SLC24A4: variants seen among roughly 807,000 people sequenced by gnomAD.
SLC24A4 encodes solute carrier family 24 member 4.
In SLC24A4, 53 loss-of-function variants were observed where a neutral mutation model predicts 79.0. That is an observed-to-expected ratio of 0.67 (90% CI 0.54 to 0.84). SLC24A4 has a LOEUF of 0.84. Ranked by LOEUF, SLC24A4 falls within the 40% of genes least tolerant of loss-of-function variation. The pLI is 0.00. For missense variants in SLC24A4, 731 were observed against 822.0 expected (o/e 0.89, Z 1.35); for synonymous variants, 323 against 323.8 (o/e 1.00, Z 0.03).
At chr14:92,378,131 A>T (rs369365475) in intron 2 of SLC24A4, among the ~76,000 whole-genome samples, 83 of 151,650 alleles carry the variant, frequency 5.5e-4, no homozygotes, top group African/African-American at 2.0e-3. Context: ...GCAATAGTTC[A>T]CTCTTTTCTT....
intron 11 of SLC24A4, among the ~76,000 whole-genome samples, chr14:92,455,197 C>T (rs1029299595): frequency 5.3e-5 from 8 of 152,172 alleles, no homozygotes; most frequent in African/African-American, 1.9e-4. Flanking sequence ...GCTTCAATCT[C>T]ACATCAGCCG....
At chr14:92,354,703 G>A (rs1887077898) in intron 2 of SLC24A4, among the ~76,000 whole-genome samples, 1 of 152,120 alleles carries the variant, frequency 6.6e-6, no homozygotes, top group East Asian at 1.9e-4. Flanking sequence ...CTGAGATTCT[G>A]CACTTCTAAC....
chr14:92,385,022 A>C (rs1288274962), intron 2 of SLC24A4, among the ~76,000 whole-genome samples: 4 of 152,216 alleles, frequency 2.6e-5, no homozygotes, highest in Admixed American at 1.3e-4. Context: ...GTTCTGAGGA[A>C]TAAATTGGGC....
chr14:92,436,346 A>G (rs1322462467), intron 3 of SLC24A4, among the ~76,000 whole-genome samples: 1 of 152,178 alleles, frequency 6.6e-6, no homozygotes, highest in African/African-American at 2.4e-5. Flanking sequence ...CACCCATTCT[A>G]TGGCTCGTTT....
intron 2 of SLC24A4, among the ~76,000 whole-genome samples, chr14:92,411,806 G>A (rs61977265): frequency 0.066 from 9,987 of 152,232 alleles, 438 homozygotes; most frequent in Non-Finnish European, 0.093. Flanking sequence ...AAATGCTTTG[G>A]ACAAGACTGT....
At chr14:92,459,026 G>A (rs1429150829) in intron 12 of SLC24A4, among the ~76,000 whole-genome samples, 3 of 152,206 alleles carry the variant, frequency 2.0e-5, no homozygotes, top group East Asian at 1.9e-4. Context: ...TTTTGCAGAT[G>A]TGGGGCCTGA....
chr14:92,454,862 A>G (rs1024800222), intron 11 of SLC24A4, among the ~76,000 whole-genome samples: 2 of 152,096 alleles, frequency 1.3e-5, no homozygotes, highest in African/African-American at 4.8e-5. Context: ...ATTTCGGTCC[A>G]ATTCGGTAAA....
At chr14:92,422,165 G>T (rs956038036) in intron 2 of SLC24A4, among the ~76,000 whole-genome samples, 2 of 152,228 alleles carry the variant, frequency 1.3e-5, no homozygotes, top group Non-Finnish European at 2.9e-5. Flanking sequence ...TGTATTTTCA[G>T]AATCTAGAAC....
intron 2 of SLC24A4, among the ~76,000 whole-genome samples, chr14:92,334,778 C>T (rs749552666): frequency 6.6e-6 from 1 of 152,090 alleles, no homozygotes; most frequent in Non-Finnish European, 1.5e-5. Flanking sequence ...ATGAGGATAG[C>T]AGCTCTTCTT....
At chr14:92,487,934 C>T (rs977665586) in intron 14 of SLC24A4, among the ~76,000 whole-genome samples, 4 of 152,142 alleles carry the variant, frequency 2.6e-5, no homozygotes, top group Non-Finnish European at 5.9e-5. Context: ...GCCTTCACAC[C>T]GCATTCTTCC....
intron 2 of SLC24A4, among the ~76,000 whole-genome samples, chr14:92,331,484 T>C (rs917418717): frequency 6.6e-6 from 1 of 152,152 alleles, no homozygotes; most frequent in South Asian, 2.1e-4. Flanking sequence ...GGTTTCACCA[T>C]GTTACCCAGG....
intron 2 of SLC24A4, among the ~76,000 whole-genome samples, chr14:92,360,044 A>G (rs1269941675): frequency 5.8e-4 from 88 of 152,100 alleles, no homozygotes; most frequent in Non-Finnish European, 1.6e-4. Flanking sequence ...TCAGCCTCCC[A>G]AGTAGCTAAG....
At chr14:92,334,868 A>ATCATCATCATCATCATCATCG (rs970739831) in intron 2 of SLC24A4, among the ~76,000 whole-genome samples, 4 of 146,708 alleles carry the variant, frequency 2.7e-5, no homozygotes, top group African/African-American at 9.8e-5. Flanking sequence ...GGTAGCTGCC[A>ATCATCATCATCATCATCATCG]TCATCATCAT....
At chr14:92,356,963 G>C (rs1010940627) in intron 2 of SLC24A4, among the ~76,000 whole-genome samples, 2 of 152,246 alleles carry the variant, frequency 1.3e-5, no homozygotes, top group Non-Finnish European at 2.9e-5. Context: ...AGATTTCTCA[G>C]ATAGTTACAG....
intron 2 of SLC24A4, among the ~76,000 whole-genome samples, chr14:92,335,163 C>T (rs1002693344): frequency 6.6e-6 from 1 of 152,092 alleles, no homozygotes; most frequent in Non-Finnish European, 1.5e-5. Flanking sequence ...AAAAACTGAG[C>T]AGAAAATACA....
chr14:92,446,150 C>T (rs1217566360), intron 8 of SLC24A4, among the ~76,000 whole-genome samples: 1 of 150,722 alleles, frequency 6.6e-6, no homozygotes, highest in Admixed American at 6.6e-5. Flanking sequence ...TGATTGCCAA[C>T]GATTCAGAAT....
chr14:92,376,371 G>C (rs1039247781), intron 2 of SLC24A4, among the ~76,000 whole-genome samples: 1 of 152,250 alleles, frequency 6.6e-6, no homozygotes, highest in Non-Finnish European at 1.5e-5. Context: ...GCCCCTGCCT[G>C]GTGCCCCCTT....
At chr14:92,324,332 T>C (rs1253431835) in intron 1 of SLC24A4, among the ~76,000 whole-genome samples, 1 of 152,204 alleles carries the variant, frequency 6.6e-6, no homozygotes, top group Admixed American at 6.5e-5. Flanking sequence ...CCCGCTTTCC[T>C]ATTCTGCAGA....
chr14:92,384,184 T>G (rs1031522158), intron 2 of SLC24A4, among the ~76,000 whole-genome samples: 10 of 151,980 alleles, frequency 6.6e-5, no homozygotes, highest in Non-Finnish European at 1.3e-4. Flanking sequence ...AAACAGGGTC[T>G]TTGGGGTAAA....
Sources: gnomAD v4.1 joint callset for allele counts (sites outside exome capture counted in the v4.1 genomes callset) on GRCh38, gnomAD v4.1.1 for gene constraint, MANE v1.5 for transcripts, NCBI Gene and HGNC (gene_info 2026-07-23, HGNC 2026-07-21) for gene names.